The following PTPRO variants were observed in gnomAD, a reference collection of about 807,000 sequenced individuals.
PTPRO encodes the protein protein tyrosine phosphatase receptor type O, also known as receptor-type tyrosine-protein phosphatase O.
In PTPRO, 62 loss-of-function variants were observed where a neutral mutation model predicts 145.2. The ratio of observed to expected loss-of-function variants is 0.43; its 90% CI spans 0.35 to 0.53. The LOEUF is 0.53. PTPRO is among the 20% of genes least tolerant of loss of function. The pLI, the probability that PTPRO is intolerant of heterozygous loss-of-function variation, is 0.01. For missense variants in PTPRO, 1,345 were observed against 1,482.7 expected, an observed-to-expected ratio of 0.91 and a Z score of 1.53; for synonymous variants, 565 against 514.7, an observed-to-expected ratio of 1.10 and a Z score of -1.32.
At chr12:15,451,643 A>T (rs1224464072) in intron 1 of PTPRO, among the ~76,000 whole-genome samples, 1 of 152,156 alleles carries the variant, frequency 6.6e-6, no homozygotes, top group African/African-American at 2.4e-5. Context: ...TATATCAAGC[A>T]CTCTCTCAGA....
At chr12:15,531,374 A>G (rs954625351) in intron 12 of PTPRO, among the ~76,000 whole-genome samples, 6 of 152,214 alleles carry the variant, frequency 3.9e-5, no homozygotes, top group African/African-American at 1.4e-4. Context: ...ATATGCCAAG[A>G]AAAATAATAG....
intron 1 of PTPRO, among the ~76,000 whole-genome samples, chr12:15,436,546 C>G (rs1404571856): frequency 6.6e-6 from 1 of 152,096 alleles, no homozygotes; most frequent in Non-Finnish European, 1.5e-5. Flanking sequence ...TCCAAGCAAC[C>G]CAGGCCAAGA....
chr12:15,516,750 C>G lies in PTPRO; in HGVS notation c.1586-13C>G, dbSNP rs1199075535. On this transcript the variant is annotated splice_polypyrimidine_tract_variant and intron_variant, in intron 8 of 26. Transcript: ENST00000281171. ...TAACTTTCTTTTTCTACCCCCTGCCCTCTTCTTTCTAGTTCCCACAGGAAT... is the reference window on the plus strand; with the variant it reads ...TAACTTTCTTTTTCTACCCCCTGCCGTCTTCTTTCTAGTTCCCACAGGAAT... The G allele has an allele frequency of 1.1e-5, 17 of 1,590,518 alleles. No homozygotes were observed. Among genetic ancestry groups the G allele is most frequent in the African/African-American group, 1.3e-5 (1 of 74,324 alleles).
intron 2 of PTPRO, among the ~76,000 whole-genome samples, chr12:15,492,850 G>T (rs977487805): frequency 2.0e-5 from 3 of 152,008 alleles, no homozygotes; most frequent in Admixed American, 1.3e-4. Flanking sequence ...AGCTAAGAAG[G>T]CTTAAGAATT....
chr12:15,453,931 A>G (rs1585478), intron 1 of PTPRO, among the ~76,000 whole-genome samples: 42,288 of 152,130 alleles, frequency 0.28, 6,463 homozygotes, highest in South Asian at 0.43. Flanking sequence ...AGGCTGAATA[A>G]TAACCCATTA....
chr12:15,589,437 C>A lies in PTPRO; in HGVS notation c.3411-18C>A, dbSNP rs769707786. The A allele has an allele frequency of 2.5e-6, 4 of 1,613,498 alleles. No homozygotes were observed. The Admixed American group carries it at 5.0e-5, about 20-fold the overall frequency. On this transcript the variant is annotated intron_variant, in intron 24 of 26. Transcript: ENST00000281171. The stretch of plus-strand genomic sequence containing the variant: ...AAGCACCATCTGAATAATATGCCAT[C>A]GGAACATTCTTTTGCAGTGCTGGCG...
At chr12:15,543,213 A>G (rs1002736965) in intron 12 of PTPRO, among the ~76,000 whole-genome samples, 1 of 152,184 alleles carries the variant, frequency 6.6e-6, no homozygotes, top group Non-Finnish European at 1.5e-5. Flanking sequence ...AAAAGTACAC[A>G]GTGATCACAG....
intron 19 of PTPRO, among the ~76,000 whole-genome samples, chr12:15,572,929 A>G (rs1024795249): frequency 6.6e-6 from 1 of 152,178 alleles, no homozygotes; most frequent in Non-Finnish European, 1.5e-5. Context: ...ATGCTCTTCA[A>G]TGAGTGGGAC....
At chr12:15,514,913 C>T (rs1001590635) in intron 7 of PTPRO, among the ~76,000 whole-genome samples, 1 of 152,098 alleles carries the variant, frequency 6.6e-6, no homozygotes, top group Non-Finnish European at 1.5e-5. Flanking sequence ...CAGGCACCTG[C>T]CACCATGCCT....
At chr12:15,546,945 C>T (rs1943308022) in intron 13 of PTPRO, among the ~76,000 whole-genome samples, 1 of 151,966 alleles carries the variant, frequency 6.6e-6, no homozygotes, top group African/African-American at 2.4e-5. Context: ...CCAGGTCAGA[C>T]AAAGGAATAA....
chr12:15,394,161 T>C (rs1939271992), intron 1 of PTPRO, among the ~76,000 whole-genome samples: 1 of 152,094 alleles, frequency 6.6e-6, no homozygotes, highest in South Asian at 2.1e-4. Flanking sequence ...TATGTTTCAA[T>C]ATGAGTTTCA....
intron 22 of PTPRO, 103 bp from the exon 23 acceptor site, chr12:15,581,576 A>G: frequency 8.8e-6 from 12 of 1,369,060 alleles, no homozygotes; most frequent in Non-Finnish European, 1.2e-5. Context: ...CCACGGTCCT[A>G]TCTAATTCTT....
At chr12:15,566,899 G>A (rs1194863899) in intron 18 of PTPRO, among the ~76,000 whole-genome samples, 1 of 152,208 alleles carries the variant, frequency 6.6e-6, no homozygotes, top group Non-Finnish European at 1.5e-5. Context: ...AGACTGAATA[G>A]AGGAGAGGGT....
intron 1 of PTPRO, among the ~76,000 whole-genome samples, chr12:15,480,419 G>T (rs1941754016): frequency 6.6e-6 from 1 of 152,070 alleles, no homozygotes; most frequent in African/African-American, 2.4e-5. Context: ...AATTCACTTG[G>T]TTGGATGGAA....
chr12:15,476,423 TC>T (rs1334008617), intron 1 of PTPRO, among the ~76,000 whole-genome samples: 1 of 152,036 alleles, frequency 6.6e-6, no homozygotes, highest in African/African-American at 2.4e-5. Flanking sequence ...TTTGTTTTTT[TC>T]TTGTAAATTT....
intron 9 of PTPRO, 143 bp downstream of exon 9, chr12:15,517,099 A>G: frequency 1.2e-6 from 1 of 835,610 alleles, no homozygotes; most frequent in Non-Finnish European, 2.0e-6. Flanking sequence ...CACACTGCTG[A>G]TAAAGAAATA....
In PTPRO at chr12:15,484,144, T is replaced by G; in HGVS notation, c.246T>G (p.Val82=). 6.2e-7 allele frequency: 1 copy of G among 1,613,854 alleles called. No homozygotes were observed. Among genetic ancestry groups the G allele is most frequent in the South Asian group, 1.1e-5 (1 of 91,078 alleles). ...TCAACAGCACTTTGCCTCCTCCTGT[T>G]ATTTTCAAGGCCAGTTATCATGGCC... is the stretch of plus-strand genomic sequence containing the variant. ...EEFNSTLPPP[V]IFKASYHGLY... Residue 82 remains valine, a synonymous_variant, in exon 2 of 27, where the codon GTT becomes GTG. Coordinates refer to ENST00000281171, the MANE Select transcript of PTPRO (RefSeq NM_030667.3).
chr12:15,382,066 A>G (rs571948671), intron 1 of PTPRO, among the ~76,000 whole-genome samples: 3 of 151,672 alleles, frequency 2.0e-5, no homozygotes, highest in African/African-American at 7.2e-5. Flanking sequence ...ACAGAGACCA[A>G]GATAAAAGCT....
chr12:15,422,371 G>A (rs775218398), intron 1 of PTPRO, among the ~76,000 whole-genome samples: 1 of 152,002 alleles, frequency 6.6e-6, no homozygotes, highest in Admixed American at 6.6e-5. Context: ...TGATGGCTTG[G>A]TACAAAAATG....
Sources: gnomAD v4.1 joint callset for allele counts (sites outside exome capture counted in the v4.1 genomes callset) on GRCh38, gnomAD v4.1.1 for gene constraint, MANE v1.5 for transcripts, NCBI Gene and HGNC (gene_info 2026-07-23, HGNC 2026-07-21) for gene names.